The following NCKAP5 variants were observed in gnomAD, a reference collection of about 807,000 sequenced individuals.
NCKAP5 encodes NCK associated protein 5.
In NCKAP5, 92 loss-of-function variants were observed where a neutral mutation model predicts 167.0. The ratio of observed to expected loss-of-function variants is 0.55; its 90% confidence interval spans 0.47 to 0.66. NCKAP5 has a LOEUF of 0.66. Ranked by LOEUF, NCKAP5 falls within the 30% of genes least tolerant of loss-of-function variation. The pLI is 0.00. For missense variants in NCKAP5, 2,378 were observed against 2,315.0 expected (o/e 1.03, Z -0.56); for synonymous variants, 891 against 877.4 (o/e 1.02, Z -0.27).
At chr2:133,612,494 C>T in the NCKAP5 span, among the ~76,000 whole-genome samples, 5,775 of 152,226 alleles carry the variant, frequency 0.038, 146 homozygotes, top group Non-Finnish European at 0.061. Flanking sequence ...TCAATCAATC[C>T]GTTTGGTCTC....
chr2:133,072,215 A>G (rs985785550), intron 6 of NCKAP5, among the ~76,000 whole-genome samples: 3 of 152,040 alleles, frequency 2.0e-5, no homozygotes, highest in Non-Finnish European at 4.4e-5. Flanking sequence ...CTTCATGAGA[A>G]GCTGGGATTA....
the NCKAP5 span, among the ~76,000 whole-genome samples, chr2:133,632,628 G>T: frequency 6.6e-6 from 1 of 152,178 alleles, no homozygotes; most frequent in Admixed American, 6.5e-5. Context: ...TACCCCTCCT[G>T]GTGCTGCTGT....
At chr2:133,477,004 G>A (rs1679976419) in intron 3 of NCKAP5, among the ~76,000 whole-genome samples, 1 of 152,174 alleles carries the variant, frequency 6.6e-6, no homozygotes, top group South Asian at 2.1e-4. Context: ...GCAGAGGTCT[G>A]GCTCTGAACA....
chr2:133,262,308 T>C (rs547500615), intron 4 of NCKAP5, among the ~76,000 whole-genome samples: 14 of 152,188 alleles, frequency 9.2e-5, no homozygotes, highest in Non-Finnish European at 1.6e-4. Context: ...AGCAACATTC[T>C]GAGTTCCCAA....
At chr2:133,128,756 C>T (rs1472308053) in intron 6 of NCKAP5, among the ~76,000 whole-genome samples, 1 of 152,080 alleles carries the variant, frequency 6.6e-6, no homozygotes, top group Non-Finnish European at 1.5e-5. Flanking sequence ...TGCCATCATG[C>T]CCGGCTAATT....
chr2:133,263,260 G>C (rs566469856), intron 4 of NCKAP5, among the ~76,000 whole-genome samples: 1 of 150,230 alleles, frequency 6.7e-6, no homozygotes, highest in South Asian at 2.1e-4. Flanking sequence ...AGAGTCACAG[G>C]CTTGAGTAAA....
At chr2:132,788,941 A>G (rs1683821532) in intron 13 of NCKAP5, among the ~76,000 whole-genome samples, 1 of 152,144 alleles carries the variant, frequency 6.6e-6, no homozygotes. Flanking sequence ...GGTCCCTGAG[A>G]AACAAGACAG....
At chr2:132,810,486 T>C (rs1208736793) in intron 11 of NCKAP5, among the ~76,000 whole-genome samples, 1 of 152,206 alleles carries the variant, frequency 6.6e-6, no homozygotes, top group African/African-American at 2.4e-5. Context: ...CTTTTTTTCA[T>C]TGTCTTTGTT....
At chr2:132,765,265 C>T (rs1177330456) in intron 16 of NCKAP5, among the ~76,000 whole-genome samples, 2 of 150,538 alleles carry the variant, frequency 1.3e-5, no homozygotes, top group African/African-American at 4.9e-5. Flanking sequence ...TACATCTTTT[C>T]TAACAACTCT....
At chr2:133,566,945 G>T (rs192202033) in intron 1 of NCKAP5, among the ~76,000 whole-genome samples, 1 of 152,194 alleles carries the variant, frequency 6.6e-6, no homozygotes, top group African/African-American at 2.4e-5. Flanking sequence ...AGGACTCCCT[G>T]GAAAACAGTC....
At chr2:132,702,372 C>T (rs550742530) in intron 19 of NCKAP5, among the ~76,000 whole-genome samples, 94 of 152,092 alleles carry the variant, frequency 6.2e-4, no homozygotes, top group African/African-American at 2.3e-3. Context: ...CCTCAGGGAC[C>T]AGGGAAGATA....
At chr2:132,927,152 A>T (rs1246140568) in intron 8 of NCKAP5, among the ~76,000 whole-genome samples, 1 of 152,078 alleles carries the variant, frequency 6.6e-6, no homozygotes, top group African/African-American at 2.4e-5. Flanking sequence ...GTTTCTGTCA[A>T]CTTTGTCAAA....
intron 15 of NCKAP5, among the ~76,000 whole-genome samples, chr2:132,776,406 T>C (rs1454440469): frequency 6.6e-6 from 1 of 152,206 alleles, no homozygotes; most frequent in East Asian, 1.9e-4. Flanking sequence ...ACCTGTCAGC[T>C]CCTTGCCAGA....
intron 5 of NCKAP5, among the ~76,000 whole-genome samples, chr2:133,151,398 A>C (rs201280242): frequency 6.6e-6 from 1 of 152,192 alleles, no homozygotes; most frequent in East Asian, 1.9e-4. Context: ...CATAAGATAC[A>C]TTTGATAAGA....
chr2:133,520,478 A>C (rs767505502), intron 2 of NCKAP5, among the ~76,000 whole-genome samples: 24 of 152,190 alleles, frequency 1.6e-4, no homozygotes, highest in Non-Finnish European at 3.1e-4. Context: ...GACCTTCTTC[A>C]TAGTAGGGTT....
At chr2:132,935,648 C>G (rs1696785093) in intron 8 of NCKAP5, among the ~76,000 whole-genome samples, 2 of 152,062 alleles carry the variant, frequency 1.3e-5, no homozygotes, top group African/African-American at 4.8e-5. Flanking sequence ...GGGGACTTTA[C>G]TGACCCTTCT....
At chr2:132,915,970 C>T (rs1694842824) in intron 8 of NCKAP5, among the ~76,000 whole-genome samples, 1 of 152,004 alleles carries the variant, frequency 6.6e-6, no homozygotes, top group Non-Finnish European at 1.5e-5. Flanking sequence ...CACATCCATA[C>T]AATGTGAGGT....
chr2:133,178,700 C>T (rs1331833462), intron 5 of NCKAP5, among the ~76,000 whole-genome samples: 1 of 151,026 alleles, frequency 6.6e-6, no homozygotes, highest in Non-Finnish European at 1.5e-5. Flanking sequence ...TGGCGGGCAC[C>T]TGTAGTCCCA....
At chr2:133,379,278 T>G (rs564595382) in intron 3 of NCKAP5, among the ~76,000 whole-genome samples, 4 of 152,276 alleles carry the variant, frequency 2.6e-5, no homozygotes, top group African/African-American at 9.6e-5. Flanking sequence ...CGTGCATACC[T>G]CGTGATTCAA....
Sources: allele counts gnomAD v4.1 joint callset (sites outside exome capture counted in the v4.1 genomes callset), GRCh38; gene constraint gnomAD v4.1.1; transcripts MANE v1.5; gene names NCBI Gene and HGNC (gene_info 2026-07-23, HGNC 2026-07-21).